Variants in ADAMTS6 observed in about 807,000 individuals in gnomAD.
ADAMTS6 encodes the protein A disintegrin and metalloproteinase with thrombospondin motifs 6.
In ADAMTS6, 23 loss-of-function variants were observed where a neutral mutation model predicts 144.3. The observed-to-expected ratio is 0.16, with a 90% CI of 0.11 to 0.23. ADAMTS6 has a LOEUF of 0.23. Ranked by LOEUF, ADAMTS6 falls within the 10% of genes least tolerant of loss-of-function variation. ADAMTS6 has a pLI of 1.00. For synonymous variants in ADAMTS6, 444 were observed against 457.5 expected, an observed-to-expected ratio of 0.97 and a Z score of 0.38; for missense variants, 999 against 1,379.6, an observed-to-expected ratio of 0.72 and a Z score of 4.37.
chr5:65,387,345 C>T (rs1416413358), intron 7 of ADAMTS6, among the ~76,000 whole-genome samples: 1 of 152,164 alleles, frequency 6.6e-6, no homozygotes, highest in East Asian at 1.9e-4. Context: ...ATTCTTCAAT[C>T]ATCAAACTAT....
chr5:65,205,215 T>G (rs746440392), intron 20 of ADAMTS6, among the ~76,000 whole-genome samples: 1 of 152,200 alleles, frequency 6.6e-6, no homozygotes, highest in Non-Finnish European at 1.5e-5. Flanking sequence ...GTGTCCTTTA[T>G]AAGCTGCAAT....
intron 9 of ADAMTS6, among the ~76,000 whole-genome samples, chr5:65,302,263 TA>T (rs1743495219): frequency 7.1e-6 from 1 of 140,392 alleles, no homozygotes; most frequent in Admixed American, 7.2e-5. Flanking sequence ...TATTATATAT[TA>T]ATATCTAAAT....
intron 7 of ADAMTS6, among the ~76,000 whole-genome samples, chr5:65,392,347 C>T (rs1752995991): frequency 6.6e-6 from 1 of 152,134 alleles, no homozygotes. Flanking sequence ...AATTTAGCAT[C>T]CATACATGAT....
At chr5:65,351,599 C>T (rs749389733) in intron 7 of ADAMTS6, among the ~76,000 whole-genome samples, 8 of 152,038 alleles carry the variant, frequency 5.3e-5, no homozygotes, top group Non-Finnish European at 8.8e-5. Flanking sequence ...ATATGTGGAG[C>T]TATGCCAGAT....
chr5:65,282,461 T>G (rs2112710458), intron 11 of ADAMTS6, among the ~76,000 whole-genome samples: 1 of 152,058 alleles, frequency 6.6e-6, no homozygotes, highest in East Asian at 1.9e-4. Context: ...TTATTAGACT[T>G]AAAAAGGTGC....
At position 65,224,022 on chromosome 5, in the gene ADAMTS6, G is replaced by A. The variant is rs189884699; in HGVS notation, c.2272+298C>T. Among the ~76,000 whole-genome samples the A allele has an allele frequency of 2.3e-4, 35 of 152,052 alleles. No homozygotes were observed. In the South Asian group the frequency reaches 4.6e-3, roughly 20 times the overall value. On this transcript the variant is annotated intron_variant, in intron 18 of 24. Transcript: ENST00000381055. The stretch of plus-strand genomic sequence containing the variant: ...TCACTGTGTTAGCCAAGATGGTCTC[G>A]ATCTCCTGACCTTGTGATCCACCCG...
chr5:65,407,760 A>C (rs1040317877), intron 7 of ADAMTS6, among the ~76,000 whole-genome samples: 1 of 152,126 alleles, frequency 6.6e-6, no homozygotes, highest in Non-Finnish European at 1.5e-5. Context: ...ATATACCCAA[A>C]GGATTATAAA....
intron 7 of ADAMTS6, among the ~76,000 whole-genome samples, chr5:65,409,512 T>C (rs565352974): frequency 1.3e-5 from 2 of 152,210 alleles, no homozygotes; most frequent in East Asian, 3.9e-4. Context: ...ATTAATAGCC[T>C]ACCAACCAAA....
At chr5:65,218,477 G>T (rs771800338) in intron 18 of ADAMTS6, among the ~76,000 whole-genome samples, 1 of 152,114 alleles carries the variant, frequency 6.6e-6, no homozygotes, top group Non-Finnish European at 1.5e-5. Flanking sequence ...GATTCAAACA[G>T]GAGGAAGGCA....
intron 7 of ADAMTS6, among the ~76,000 whole-genome samples, chr5:65,404,802 A>C (rs533353224): frequency 5.9e-4 from 90 of 152,134 alleles, no homozygotes; most frequent in Non-Finnish European, 1.1e-3. Context: ...CCTCTCCAGC[A>C]CCTGTTGTTT....
chr5:65,179,483 C>T (rs1276078579), intron 22 of ADAMTS6, among the ~76,000 whole-genome samples: 1 of 152,060 alleles, frequency 6.6e-6, no homozygotes, highest in Non-Finnish European at 1.5e-5. Context: ...AAACAAGTCA[C>T]CTTGAAGTTT....
intron 7 of ADAMTS6, 160 bp downstream of exon 7, chr5:65,451,315 C>T (rs112867718): frequency 1.4e-6 from 1 of 692,806 alleles, no homozygotes; most frequent in Non-Finnish European, 2.3e-6. Flanking sequence ...GATGCAAACA[C>T]AATAATAGTG....
chr5:65,262,741 T>C, intron 13 of ADAMTS6, 76 bp downstream of exon 13: 1 of 1,418,710 alleles, frequency 7.0e-7, no homozygotes. Flanking sequence ...TTTTTACAGA[T>C]AACATGTGAA....
chr5:65,395,672 C>G (rs1224072302), intron 7 of ADAMTS6, among the ~76,000 whole-genome samples: 2 of 152,198 alleles, frequency 1.3e-5, no homozygotes, highest in Admixed American at 1.3e-4. Flanking sequence ...CTTTTAACAA[C>G]TTCCCATTAA....
At chr5:65,345,988 A>C (rs547076252) in intron 7 of ADAMTS6, among the ~76,000 whole-genome samples, 1 of 152,030 alleles carries the variant, frequency 6.6e-6, no homozygotes, top group East Asian at 1.9e-4. Flanking sequence ...GTTAGCCTGA[A>C]GTTCAAAACC....
intron 7 of ADAMTS6, among the ~76,000 whole-genome samples, chr5:65,438,802 T>G (rs1344309651): frequency 1.3e-5 from 2 of 152,200 alleles, no homozygotes; most frequent in African/African-American, 4.8e-5. Flanking sequence ...AAAAATATAT[T>G]TGAAAAGATT....
intron 7 of ADAMTS6, among the ~76,000 whole-genome samples, chr5:65,374,525 T>G (rs1442837428): frequency 2.7e-5 from 4 of 150,756 alleles, no homozygotes; most frequent in South Asian, 2.1e-4. Flanking sequence ...TCAAAGAGAA[T>G]AAAATACCTA....
At chr5:65,471,934 C>T (rs1760477557) in intron 2 of ADAMTS6, among the ~76,000 whole-genome samples, 1 of 152,090 alleles carries the variant, frequency 6.6e-6, no homozygotes, top group Non-Finnish European at 1.5e-5. Flanking sequence ...AACACACATT[C>T]ACATAAAAAT....
chr5:65,163,816 C>A (rs1579927556), intron 24 of ADAMTS6, among the ~76,000 whole-genome samples: 1 of 152,166 alleles, frequency 6.6e-6, no homozygotes, highest in Non-Finnish European at 1.5e-5. Context: ...TGCACTATGC[C>A]ATGTTTGTCT....
Sources: gnomAD v4.1 joint callset for allele counts (sites outside exome capture counted in the v4.1 genomes callset) on GRCh38, gnomAD v4.1.1 for gene constraint, MANE v1.5 for transcripts, NCBI Gene and HGNC (gene_info 2026-07-23, HGNC 2026-07-21) for gene names.